URB1: variants seen among roughly 807,000 people sequenced by gnomAD.
URB1 encodes the protein nucleolar pre-ribosomal-associated protein 1.
A neutral mutation model predicts 242.3 loss-of-function variants in URB1; 197 were observed. The ratio of observed to expected loss-of-function variants is 0.81; its 90% confidence interval spans 0.72 to 0.91. The LOEUF (loss-of-function observed/expected upper bound fraction) is 0.91. Among genes scored for constraint, URB1 ranks in the 40% least tolerant of loss-of-function variants. URB1 has a pLI of 0.00. For missense variants in URB1, 2,721 were observed against 2,860.5 expected (o/e 0.95, Z 1.11); for synonymous variants, 1,153 against 1,201.8 (o/e 0.96, Z 0.84).
At position 32,383,543 on chromosome 21, in the gene URB1, G is replaced by C; in HGVS notation, c.446C>G (p.Ala149Gly). The part of the protein sequence containing the change: ...LYASGYRLAR[A>G]CLSLMTAMVT... ...CATGGCGGTCATCAGGCTCAGGCAG[G>C]CGCGAGCCAACCTGCACAGGGAACC... The change falls in exon 4 of 39, where the codon GCC becomes GGC. Residue 149 changes from alanine to glycine, a missense_variant. Physicochemically the swap from Ala to Gly is moderately conservative, Grantham distance 60. Coordinates refer to ENST00000382751, the MANE Select transcript of URB1 (RefSeq NM_014825.3). The C allele has an allele frequency of 6.4e-7, 1 of 1,551,442 alleles. No individual in the cohort carries two copies. The highest frequency in any genetic ancestry group is 8.7e-7 in the Non-Finnish European group (1 of 1,146,920).
At chr21:32,333,095 A>C (rs1425227146) in intron 30 of URB1, 21 of 519,630 alleles carry the variant, frequency 4.0e-5, no homozygotes, top group Non-Finnish European at 6.1e-5. Context: ...CAGATTTTAA[A>C]ATTACAATTT....
At chr21:32,328,884 G>C (rs536514461) in intron 30 of URB1, among the ~76,000 whole-genome samples, 1 of 152,288 alleles carries the variant, frequency 6.6e-6, no homozygotes, top group Admixed American at 6.5e-5. Context: ...TTTGTTTCAA[G>C]AACCTCATGA....
At chr21:32,346,829 T>C in intron 22 of URB1, 127 bp downstream of exon 22, 1 of 1,314,522 alleles carries the variant, frequency 7.6e-7, no homozygotes, top group Non-Finnish European at 1.0e-6. Context: ...CAGAGTTGTG[T>C]CAGACACTGG....
chr21:32,373,908 TA>T, intron 6 of URB1, 136 bp from the exon 7 acceptor site: 1 of 872,932 alleles, frequency 1.1e-6, no homozygotes, highest in Non-Finnish European at 1.6e-6. Context: ...AAATTTGGTT[TA>T]AAAAAAGGAA....
At chr21:32,338,309 C>T (rs1257876628) in intron 26 of URB1, among the ~76,000 whole-genome samples, 2 of 152,130 alleles carry the variant, frequency 1.3e-5, no homozygotes, top group Non-Finnish European at 2.9e-5. Flanking sequence ...AAGTTCCAAC[C>T]GTTTTCCCTT....
At chr21:32,345,321 A>G (rs2033073901) in intron 23 of URB1, 53 bp downstream of exon 23, 1 of 1,527,692 alleles carries the variant, frequency 6.5e-7, no homozygotes, top group Admixed American at 2.0e-5. Flanking sequence ...ATGAATTAAA[A>G]AAAAAATGAC....
At chr21:32,352,589 G>GT (rs1247112374) in intron 19 of URB1, 121 bp downstream of exon 19, 4 of 1,185,622 alleles carry the variant, frequency 3.4e-6, no homozygotes, top group Non-Finnish European at 4.7e-6. Flanking sequence ...GGACTTTAGG[G>GT]TAAGAAATTT....
At chr21:32,364,265 T>C (rs2123602272) in intron 10 of URB1, among the ~76,000 whole-genome samples, 1 of 152,160 alleles carries the variant, frequency 6.6e-6, no homozygotes, top group Non-Finnish European at 1.5e-5. Context: ...TCACAGTGTG[T>C]TCTGGGGCCA....
intron 24 of URB1, among the ~76,000 whole-genome samples, chr21:32,342,689 C>CT (rs61698557): frequency 1 from 147,662 of 147,662 alleles, 73,831 homozygotes; most frequent in Non-Finnish European, 1. Flanking sequence ...AAGCCGGAAC[C>CT]CTGGTCAGGA....
rs769935096 is a variant in URB1, at chr21:32,362,033, AAAG to A, written c.1510-15_1510-13del. The A allele has an allele frequency of 6.4e-7, 1 of 1,551,026 alleles. No individual in the cohort carries two copies. ...AGGTCTGGCAAAATCTAAATGGGAAAAAGAAGCAGAACATTAGTTGTAGTCAAC... is the reference window on the plus strand; with the variant it reads ...AGGTCTGGCAAAATCTAAATGGGAAAAAGCAGAACATTAGTTGTAGTCAAC... On this transcript the variant is annotated splice_polypyrimidine_tract_variant and intron_variant, in intron 11 of 38. Transcript: ENST00000382751.
At chr21:32,364,684 G>C (rs1309793901) in intron 10 of URB1, among the ~76,000 whole-genome samples, 1 of 152,192 alleles carries the variant, frequency 6.6e-6, no homozygotes, top group East Asian at 1.9e-4. Flanking sequence ...CTGAGGCCCT[G>C]CTTCCAAACG....
intron 5 of URB1, among the ~76,000 whole-genome samples, 174 bp downstream of exon 5, chr21:32,378,271 T>A (rs1050835577): frequency 6.6e-6 from 1 of 152,318 alleles, no homozygotes; most frequent in Middle Eastern, 3.4e-3. Context: ...GATATCAAAA[T>A]GGTACTGACC....
Position 32,391,082 on chromosome 21 carries a change from C to A in URB1, c.142+1687G>T, listed in dbSNP as rs569284756. On this transcript the variant is annotated intron_variant, in intron 1 of 38. Transcript: ENST00000382751. The stretch of plus-strand genomic sequence containing the variant: ...GTCCTTTGTAGGGACATGGATGAAG[C>A]TGGAAACCATCATTCTCAGCAAACT... Among the ~76,000 whole-genome samples, 32 of 152,230 alleles carry A rather than the reference C, an allele frequency of 2.1e-4. No individual in the cohort carries two copies. The East Asian group carries it at 5.6e-3, about 27-fold the overall frequency.
chr21:32,318,690 T>C (rs528223758), intron 36 of URB1, among the ~76,000 whole-genome samples: 2 of 152,290 alleles, frequency 1.3e-5, no homozygotes, highest in East Asian at 1.9e-4. Context: ...ATGGTAGAAT[T>C]GGAGGGAAAT....
chr21:32,332,267 T>C (rs1463852911), intron 30 of URB1, among the ~76,000 whole-genome samples: 2 of 151,922 alleles, frequency 1.3e-5, no homozygotes, highest in African/African-American at 4.8e-5. Flanking sequence ...GACAGAGTTC[T>C]TAGATGCCAA....
intron 5 of URB1, chr21:32,377,320 TGCATAA>T: frequency 2.0e-6 from 1 of 508,728 alleles, no homozygotes; most frequent in South Asian, 1.5e-5. Flanking sequence ...TCCAAACCCA[TGCATAA>T]GCACCTTAAA....
chr21:32,347,289 C>G lies in URB1; in HGVS notation c.3535G>C (p.Glu1179Gln), dbSNP rs990492375. Reference protein sequence around the residue: ...LQSGELLWSSEYVRGLGALLP... With the variant: ...LQSGELLWSSQYVRGLGALLP... ...AGAGCCCCCAGGCCTCTCACATACTCGGAGGACCACAGGAGCTCACCACTC... is the reference window on the plus strand; with the variant it reads ...AGAGCCCCCAGGCCTCTCACATACTGGGAGGACCACAGGAGCTCACCACTC... Residue 1179 changes from glutamate to glutamine, a missense_variant, in exon 22 of 39, where the codon GAG becomes CAG. By Grantham distance (29) the Glu-to-Gln change is conservative. Coordinates refer to ENST00000382751, the MANE Select transcript of URB1 (RefSeq NM_014825.3). The G allele has an allele frequency of 1.3e-6, 2 of 1,551,040 alleles. No homozygotes were observed. The highest frequency in any genetic ancestry group is 1.4e-5 in the African/African-American group (1 of 73,184).
chr21:32,363,859 T>C (rs77885232), intron 10 of URB1, among the ~76,000 whole-genome samples: 2,930 of 152,038 alleles, frequency 0.019, 86 homozygotes, highest in African/African-American at 0.064. Flanking sequence ...CTTAGTATGT[T>C]GCCCAGGCCG....
Position 32,327,586 on chromosome 21 carries a change from A to G in URB1, c.4961-2197T>C, listed in dbSNP as rs73901400. ...ATACCAGATAGAAATCTAGATCTAC[A>G]CAAAGGAATGGTAACAATATGGCAA... On this transcript the variant is annotated intron_variant, in intron 30 of 38. Coordinates refer to ENST00000382751, the MANE Select transcript of URB1 (RefSeq NM_014825.3). Among the ~76,000 whole-genome samples the G allele has an allele frequency of 5.1e-3, 778 of 152,344 alleles. 9 individuals are homozygous for G. The highest frequency in any genetic ancestry group is 0.018 in the African/African-American group (736 of 41,582).
Sources: allele counts gnomAD v4.1 joint callset (sites outside exome capture counted in the v4.1 genomes callset), GRCh38; gene constraint gnomAD v4.1.1; transcripts MANE v1.5; gene names NCBI Gene and HGNC (gene_info 2026-07-23, HGNC 2026-07-21).